Variants in TMEFF1 observed in about 807,000 individuals in gnomAD.
TMEFF1 encodes transmembrane protein with EGF like and two follistatin like domains 1, also known as tomoregulin-1.
In TMEFF1, 20 loss-of-function variants were observed where a neutral mutation model predicts 47.5. The ratio of observed to expected loss-of-function variants is 0.42; its 90% CI spans 0.30 to 0.61. TMEFF1 has a LOEUF of 0.61. Ranked by LOEUF, TMEFF1 falls within the 20% of genes least tolerant of loss-of-function variation. The probability of loss-of-function intolerance (pLI) is 0.19; values close to 1 mark genes in which losing one functional copy is unlikely to be tolerated. For missense variants in TMEFF1, 411 were observed against 471.1 expected (o/e 0.87, Z 1.18); for synonymous variants, 162 against 166.3 (o/e 0.97, Z 0.20).
Position 100,526,316 on chromosome 9 carries a change from C to T in TMEFF1, c.560+9545C>T, listed in dbSNP as rs566791449. On this transcript the variant is annotated intron_variant, in intron 5 of 9. Transcript: ENST00000374879. ...TGTTATGCCCTTTCCTAGATACTTA[C>T]TGACTTCCATTTTGAAAAATTTTCT... Among the ~76,000 whole-genome samples the T allele has an allele frequency of 8.6e-5, 13 of 151,974 alleles. No individual in the cohort carries two copies. In the South Asian group the frequency reaches 2.7e-3, roughly 32 times the overall value.
chr9:100,483,500 A>AAAACC (rs146110004), intron 1 of TMEFF1, among the ~76,000 whole-genome samples: 1 of 150,492 alleles, frequency 6.6e-6, no homozygotes, highest in Non-Finnish European at 1.5e-5. Flanking sequence ...AACATCTCAA[A>AAAACC]AAACAAACAA....
intron 2 of TMEFF1, among the ~76,000 whole-genome samples, chr9:100,502,184 C>G (rs1837774860): frequency 6.6e-6 from 1 of 152,028 alleles, no homozygotes; most frequent in Non-Finnish European, 1.5e-5. Flanking sequence ...TTTCCAGGAA[C>G]AATAGATTCC....
At chr9:100,540,440 G>A (rs1838607170) in intron 5 of TMEFF1, among the ~76,000 whole-genome samples, 1 of 152,236 alleles carries the variant, frequency 6.6e-6, no homozygotes, top group Non-Finnish European at 1.5e-5. Context: ...AGCCCAGAGG[G>A]AGCTTGTTCC....
intron 3 of TMEFF1, among the ~76,000 whole-genome samples, chr9:100,511,182 T>G (rs948555324): frequency 1.3e-5 from 2 of 152,260 alleles, no homozygotes; most frequent in Non-Finnish European, 2.9e-5. Flanking sequence ...AAGTACATTG[T>G]GTTTCACAAA....
At chr9:100,556,098 T>G (rs952057209) in intron 7 of TMEFF1, among the ~76,000 whole-genome samples, 1 of 152,202 alleles carries the variant, frequency 6.6e-6, no homozygotes, top group South Asian at 2.1e-4. Context: ...TTGGTGAACC[T>G]TAACACTTGT....
At chr9:100,537,957 T>C (rs1359216822) in intron 5 of TMEFF1, among the ~76,000 whole-genome samples, 1 of 152,150 alleles carries the variant, frequency 6.6e-6, no homozygotes, top group African/African-American at 2.4e-5. Flanking sequence ...TTTTAAATTA[T>C]AAAATATATT....
chr9:100,491,534 G>C (rs566252156), intron 1 of TMEFF1, among the ~76,000 whole-genome samples: 94 of 152,306 alleles, frequency 6.2e-4, no homozygotes, highest in Non-Finnish European at 6.9e-4. Flanking sequence ...GTGCTCTGAA[G>C]ACTGGAAATA....
At chr9:100,499,530 A>G (rs976573075) in intron 2 of TMEFF1, among the ~76,000 whole-genome samples, 6 of 152,192 alleles carry the variant, frequency 3.9e-5, no homozygotes, top group Admixed American at 3.9e-4. Flanking sequence ...ATATGAGGCG[A>G]AAAAGGAACT....
intron 1 of TMEFF1, among the ~76,000 whole-genome samples, chr9:100,485,214 A>AT (rs1837426440): frequency 2.0e-5 from 3 of 152,194 alleles, no homozygotes; most frequent in South Asian, 4.2e-4. Context: ...GTTGATAGAC[A>AT]TTTTTTTGTT....
In TMEFF1 at chr9:100,513,289, C is replaced by A; in HGVS notation, c.437-18C>A. On this transcript the variant is annotated intron_variant, in intron 3 of 9. Transcript: ENST00000374879. ...TCCGGGAAAAATGTTCATATTCATTCTTTGTTTTTCTTCTCAGATAATGGA... is the reference window on the plus strand; with the variant it reads ...TCCGGGAAAAATGTTCATATTCATTATTTGTTTTTCTTCTCAGATAATGGA... 6.3e-7 allele frequency: 1 copy of A among 1,583,912 alleles called. No individual in the cohort carries two copies. Among genetic ancestry groups the A allele is most frequent in the Non-Finnish European group, 8.6e-7 (1 of 1,169,008 alleles).
rs1405865380 is a variant in TMEFF1, at chr9:100,513,289, CTT to C, written c.437-16_437-15del. 5.7e-6 allele frequency: 9 copies of C among 1,583,912 alleles called. No homozygotes were observed. The highest frequency in any genetic ancestry group is 6.8e-6 in the Non-Finnish European group (8 of 1,169,008). On this transcript the variant is annotated splice_polypyrimidine_tract_variant and intron_variant, in intron 3 of 9. Transcript: ENST00000374879. The stretch of plus-strand genomic sequence containing the variant: ...TCCGGGAAAAATGTTCATATTCATT[CTT>C]TGTTTTTCTTCTCAGATAATGGATC...
At chr9:100,502,937 A>G (rs556899751) in intron 2 of TMEFF1, among the ~76,000 whole-genome samples, 1 of 152,188 alleles carries the variant, frequency 6.6e-6, no homozygotes, top group Non-Finnish European at 1.5e-5. Flanking sequence ...CTTGCCTTGT[A>G]GGAGCAAACT....
intron 5 of TMEFF1, among the ~76,000 whole-genome samples, chr9:100,535,413 C>G (rs1340292374): frequency 6.6e-6 from 1 of 152,168 alleles, no homozygotes; most frequent in African/African-American, 2.4e-5. Flanking sequence ...AAGCACTTCC[C>G]TTTTTTGAAT....
At chr9:100,517,167 C>G (rs990851780) in intron 5 of TMEFF1, among the ~76,000 whole-genome samples, 3 of 152,154 alleles carry the variant, frequency 2.0e-5, no homozygotes, top group Non-Finnish European at 2.9e-5. Context: ...TTTTTTAGAA[C>G]AGTAAGGCTG....
In TMEFF1 at chr9:100,561,403, G is replaced by A. The variant is rs1244469143; in HGVS notation, c.782G>A (p.Ser261Asn). 1 of 1,612,420 alleles carries A rather than the reference G, an allele frequency of 6.2e-7. No individual in the cohort carries two copies. Among genetic ancestry groups the A allele is most frequent in the Admixed American group, 1.7e-5 (1 of 59,740 alleles). ...TGGTTTATGTTCTTTTAAGATGCTA[G>A]TGATCAAAGAGAAGATGTTTATATT... is the stretch of plus-strand genomic sequence containing the variant. ...LQYRPDVKDASDQREDVYIGN... is the reference protein window; with the variant it reads ...LQYRPDVKDANDQREDVYIGN... The change falls in exon 8 of 10, where the codon AGT becomes AAT. Residue 261 changes from serine (S) to asparagine (N), a missense_variant. Coordinates refer to ENST00000374879, the MANE Select transcript of TMEFF1 (RefSeq NM_003692.5).
Position 100,524,150 on chromosome 9 carries a change from T to TAA in TMEFF1, c.560+7390_560+7391dup, listed in dbSNP as rs57598059. ...AGATATGTACATATATTCTTTTATTTAAAAAAAAAAAACTAATGGCATCAC... is the reference window on the plus strand; with the variant it reads ...AGATATGTACATATATTCTTTTATTTAAAAAAAAAAAAAACTAATGGCATCAC... On this transcript the variant is annotated intron_variant, in intron 5 of 9. Transcript: ENST00000374879. 2.9e-3 allele frequency among the ~76,000 whole-genome samples: 433 copies of TAA among 147,060 alleles called. 2 individuals are homozygous for TAA. Among genetic ancestry groups the TAA allele is most frequent in the African/African-American group, 9.9e-3 (400 of 40,374 alleles).
At chr9:100,548,482 T>C (rs1171666295) in intron 6 of TMEFF1, among the ~76,000 whole-genome samples, 1 of 152,182 alleles carries the variant, frequency 6.6e-6, no homozygotes, top group African/African-American at 2.4e-5. Flanking sequence ...TTTCCACCCC[T>C]ACTAGAAATA....
intron 2 of TMEFF1, 134 bp from the exon 3 acceptor site, chr9:100,508,871 C>CAA (rs35051442): frequency 0.012 from 11,912 of 953,846 alleles, no homozygotes; most frequent in Middle Eastern, 0.018. Context: ...CTTTTTAAGC[C>CAA]AAAAAAAAAA....
intron 2 of TMEFF1, among the ~76,000 whole-genome samples, chr9:100,503,803 A>G (rs1268673257): frequency 2.0e-5 from 3 of 152,116 alleles, no homozygotes; most frequent in Non-Finnish European, 4.4e-5. Context: ...AATAGTGCCC[A>G]CTCACACTGG....
Sources: gnomAD v4.1 joint callset for allele counts (sites outside exome capture counted in the v4.1 genomes callset) on GRCh38, gnomAD v4.1.1 for gene constraint, MANE v1.5 for transcripts, NCBI Gene and HGNC (gene_info 2026-07-23, HGNC 2026-07-21) for gene names.